Variants in DLG3 observed in about 807,000 individuals in gnomAD.
The protein encoded by DLG3 is disks large homolog 3.
Under a neutral mutation model 64.1 loss-of-function variants are expected in DLG3, and 1 was observed. That is an observed-to-expected ratio of 0.02 (90% CI 0.01 to 0.07). DLG3 has a LOEUF of 0.07. DLG3 is among the 10% of genes least tolerant of loss of function. The pLI is 1.00. For synonymous variants in DLG3, 245 were observed against 259.8 expected (o/e 0.94, Z 0.55); for missense variants, 429 against 669.5 (o/e 0.64, Z 3.96).
At chrX:70,446,473 C>T (rs747215013) in intron 1 of DLG3, among the ~76,000 whole-genome samples, 7 of 112,051 alleles carry the variant, frequency 6.2e-5, no homozygotes, top group African/African-American at 1.9e-4. Context: ...CAAGCCTCCT[C>T]GCTCTAGAGC....
chrX:70,448,823 T>G (rs1246653602), intron 1 of DLG3, 90 bp from the exon 2 acceptor site: 3 of 1,086,904 alleles, frequency 2.8e-6, no homozygotes, highest in African/African-American at 1.8e-5. Context: ...TCTTCTACTC[T>G]GTGGGAGTAG....
At chrX:70,456,497 G>T (rs1479288019) in intron 9 of DLG3, among the ~76,000 whole-genome samples, 1 of 112,173 alleles carries the variant, frequency 8.9e-6, no homozygotes, top group Non-Finnish European at 1.9e-5. Context: ...AATGCAACTG[G>T]CTTGCATAAA....
At chrX:70,448,789 A>G (rs1436000962) in intron 1 of DLG3, 124 bp from the exon 2 acceptor site, 1 of 982,502 alleles carries the variant, frequency 1.0e-6, no homozygotes, top group East Asian at 3.2e-5. Flanking sequence ...TGTGGCCAAG[A>G]GGTGACCTGG....
chrX:70,477,941 C>T (rs2087085047), intron 9 of DLG3, among the ~76,000 whole-genome samples: 1 of 111,795 alleles, frequency 8.9e-6, no homozygotes, highest in Admixed American at 9.5e-5. Flanking sequence ...TAGAGTCATA[C>T]GGACTAGGTG....
intron 7 of DLG3, chrX:70,452,737 G>T (rs772630212): frequency 1.6e-5 from 19 of 1,187,863 alleles, no homozygotes; most frequent in Non-Finnish European, 2.1e-5. Flanking sequence ...CGCTCCCTGC[G>T]GCCCGGAGGG....
intron 10 of DLG3, among the ~76,000 whole-genome samples, chrX:70,485,171 C>T (rs1012240297): frequency 1.8e-5 from 2 of 111,169 alleles, no homozygotes; most frequent in African/African-American, 6.6e-5. Flanking sequence ...TAGGGAGTAA[C>T]TGGGAGGGTC....
At chrX:70,452,528 G>T in intron 7 of DLG3, 1 of 1,153,292 alleles carries the variant, frequency 8.7e-7, no homozygotes, top group Non-Finnish European at 1.2e-6. Flanking sequence ...CTGGGGTTCC[G>T]GGGGACAGGT....
chrX:70,453,882 C>T, intron 8 of DLG3, 89 bp downstream of exon 8: 1 of 912,382 alleles, frequency 1.1e-6, no homozygotes, highest in Non-Finnish European at 1.5e-6. Flanking sequence ...AGGAATGCTT[C>T]TTGAGATGAA....
intron 9 of DLG3, among the ~76,000 whole-genome samples, chrX:70,455,453 G>A (rs1298832891): frequency 1.8e-5 from 2 of 108,353 alleles, no homozygotes; most frequent in Non-Finnish European, 3.9e-5. Flanking sequence ...GCGGGGCTCA[G>A]CGCCCCCTCA....
chrX:70,481,986 C>A (rs990849905), intron 10 of DLG3, among the ~76,000 whole-genome samples: 1 of 111,966 alleles, frequency 8.9e-6, no homozygotes, highest in Non-Finnish European at 1.9e-5. Flanking sequence ...ACTTGCTGGA[C>A]ATGTGCATAA....
chrX:70,485,552 A>G (rs2087239547), intron 10 of DLG3, among the ~76,000 whole-genome samples: 1 of 111,593 alleles, frequency 9.0e-6, no homozygotes, highest in African/African-American at 3.3e-5. Context: ...AGGTGGGCAC[A>G]ATACTAGGTT....
At position 70,479,135 on chromosome X, in the gene DLG3, T is replaced by C; in HGVS notation, c.1406-15T>C. On this transcript the variant is annotated splice_polypyrimidine_tract_variant and intron_variant, in intron 9 of 18. Coordinates refer to ENST00000374360, the MANE Select transcript of DLG3 (RefSeq NM_021120.4). ...GTTCATTCTTTTCCCATCTTTTCCC[T>C]TGTTTCCGTGACAGAATACAGTCGC... 8.4e-7 allele frequency: 1 copy of C among 1,189,550 alleles called. No homozygotes were observed. Among genetic ancestry groups the C allele is most frequent in the South Asian group, 1.8e-5 (1 of 56,492 alleles).
chrX:70,453,173 G>A (rs1371104308), intron 7 of DLG3: 1 of 159,237 alleles, frequency 6.3e-6, no homozygotes, highest in Non-Finnish European at 1.2e-5. Context: ...GACTGCAGAA[G>A]AGTGTCTGTG....
chrX:70,453,072 A>C (rs1246490669), intron 7 of DLG3: 2 of 220,288 alleles, frequency 9.1e-6, no homozygotes, highest in Non-Finnish European at 1.6e-5. Flanking sequence ...AGGCGCTGCA[A>C]CCCCCTGGGG....
intron 10 of DLG3, among the ~76,000 whole-genome samples, chrX:70,482,689 G>A (rs1383075413): frequency 9.8e-5 from 3 of 30,713 alleles, no homozygotes; most frequent in South Asian, 1.4e-3. Flanking sequence ...TTTTTTTGAC[G>A]GAGTCTCGCT....
chrX:70,463,331 G>A (rs1264208696), intron 9 of DLG3, among the ~76,000 whole-genome samples: 1 of 109,783 alleles, frequency 9.1e-6, no homozygotes, highest in African/African-American at 3.3e-5. Flanking sequence ...ATATCTAGTA[G>A]AGATGAGGGT....
chrX:70,496,362 C>T (rs1411967081), intron 13 of DLG3, among the ~76,000 whole-genome samples: 1 of 112,294 alleles, frequency 8.9e-6, no homozygotes, highest in East Asian at 2.8e-4. Context: ...TGAGCAGCAT[C>T]TCTCTCCATA....
At chrX:70,458,659 T>A (rs2086754523) in intron 9 of DLG3, among the ~76,000 whole-genome samples, 1 of 112,638 alleles carries the variant, frequency 8.9e-6, no homozygotes, top group African/African-American at 3.2e-5. Context: ...GAACTGTGTC[T>A]TTCTATTTGA....
rs1250156245 is a variant in DLG3 at position 70,486,241 on chromosome X, G to A, written c.1521-5866G>A. Among the ~76,000 whole-genome samples, 5 of 111,956 alleles carry A rather than the reference G, an allele frequency of 4.5e-5. No individual in the cohort carries two copies. The Admixed American group carries it at 4.8e-4, about 11-fold the overall frequency. ...TTTGAAAAGTTCCAGGAATACCCAG[G>A]CTCTGGCTCTCCCTGGCTTCGTAGA... On this transcript the variant is annotated intron_variant, in intron 10 of 18. Transcript: ENST00000374360.
Sources: gnomAD v4.1 joint callset for allele counts (sites outside exome capture counted in the v4.1 genomes callset) on GRCh38, gnomAD v4.1.1 for gene constraint, MANE v1.5 for transcripts, NCBI Gene and HGNC (gene_info 2026-07-23, HGNC 2026-07-21) for gene names.